TNFRSF10B: variants seen among roughly 807,000 people sequenced by gnomAD.
The protein encoded by TNFRSF10B is tumor necrosis factor receptor superfamily member 10B.
A neutral mutation model predicts 41.4 loss-of-function variants in TNFRSF10B; 35 were observed. The observed-to-expected ratio is 0.85, with a 90% CI of 0.65 to 1.12. The LOEUF (loss-of-function observed/expected upper bound fraction) is 1.12, where lower values mean the gene tolerates loss of function less well. TNFRSF10B is among the 50% of genes most tolerant of loss of function. The pLI is 0.00. For missense variants in TNFRSF10B, 584 were observed against 552.7 expected, an observed-to-expected ratio of 1.06 and a Z score of -0.57; for synonymous variants, 230 against 215.5, an observed-to-expected ratio of 1.07 and a Z score of -0.59.
At position 23,047,148 on chromosome 8, in the gene TNFRSF10B, G is replaced by A. The variant is rs116740358; in HGVS notation, c.145-3905C>T. On this transcript the variant is annotated intron_variant, in intron 1 of 8. Coordinates refer to ENST00000276431, the MANE Select transcript of TNFRSF10B (RefSeq NM_003842.5). ...AGAAGTTTCTGCGGAACCTGAGGTC[G>A]GGAGTTCAAGACCAGCCTGATCAAC... Among the ~76,000 whole-genome samples, 1,063 of 151,972 alleles carry A rather than the reference G, an allele frequency of 7.0e-3. 15 individuals are homozygous for A. The highest frequency in any genetic ancestry group is 0.024 in the African/African-American group (980 of 41,438).
intron 1 of TNFRSF10B, among the ~76,000 whole-genome samples, chr8:23,064,415 G>A (rs547857773): frequency 5.9e-5 from 9 of 152,220 alleles, no homozygotes; most frequent in East Asian, 1.9e-4. Context: ...AGGCTGTGCC[G>A]TCCGTGGGCC....
chr8:23,030,381 C>T (rs1462055774), intron 3 of TNFRSF10B, among the ~76,000 whole-genome samples: 1 of 152,160 alleles, frequency 6.6e-6, no homozygotes, highest in Admixed American at 6.5e-5. Context: ...GGCACAATCT[C>T]GGCTCCCTGC....
Position 23,029,667 on chromosome 8 carries a change from T to C in TNFRSF10B, c.419A>G (p.Glu140Gly). The change falls in exon 4 of 9, where the codon GAA becomes GGA. Residue 140 changes from glutamate to glycine, a missense_variant. Coordinates refer to ENST00000276431, the MANE Select transcript of TNFRSF10B (RefSeq NM_003842.5). ...TTTRNTVCQC[E>G]EGTFREEDSP... ...ATCTTCTTCCCGGAAGGTGCCTTCT[T>C]CGCACTGACACACTGTGTTTCTGGT... 1 of 1,613,942 alleles carries C rather than the reference T, an allele frequency of 6.2e-7. No individual in the cohort carries two copies. Among genetic ancestry groups the C allele is most frequent in the Non-Finnish European group, 8.5e-7 (1 of 1,179,970 alleles).
chr8:23,064,079 CTTCCT>C (rs1408532100), intron 1 of TNFRSF10B, among the ~76,000 whole-genome samples: 1 of 152,266 alleles, frequency 6.6e-6, no homozygotes, highest in African/African-American at 2.4e-5. Flanking sequence ...TGGCACGGCC[CTTCCT>C]TTCCTTAGCA....
intron 6 of TNFRSF10B, 184 bp from the exon 7 acceptor site, chr8:23,027,472 C>T: frequency 1.2e-6 from 1 of 822,948 alleles, no homozygotes; most frequent in Middle Eastern, 3.5e-4. Context: ...GTGCTGTGCT[C>T]AGGCAGACAC....
At chr8:23,064,070 G>A (rs1812912665) in intron 1 of TNFRSF10B, among the ~76,000 whole-genome samples, 1 of 152,236 alleles carries the variant, frequency 6.6e-6, no homozygotes, top group African/African-American at 2.4e-5. Context: ...TCGGGAACAT[G>A]GCACGGCCCT....
At chr8:23,048,099 G>A (rs77268519) in intron 1 of TNFRSF10B, among the ~76,000 whole-genome samples, 2 of 152,138 alleles carry the variant, frequency 1.3e-5, no homozygotes, top group East Asian at 3.8e-4. Flanking sequence ...AAATAAGTGA[G>A]GCACAAAAAG....
At position 23,063,513 on chromosome 8, in the gene TNFRSF10B, TTTC is replaced by T. The variant is rs146042503; in HGVS notation, c.144+5235_144+5237del. On this transcript the variant is annotated intron_variant, in intron 1 of 8. Transcript: ENST00000276431. ...TAAAGCCATTTATGCCCATTTACTCTTTCTTATTTGGTAATGACCTCACCCAAG... is the reference window on the plus strand; with the variant it reads ...TAAAGCCATTTATGCCCATTTACTCTTTATTTGGTAATGACCTCACCCAAG... 9.7e-3 allele frequency among the ~76,000 whole-genome samples: 1,476 copies of T among 152,278 alleles called. 27 individuals carry two copies. The highest frequency in any genetic ancestry group is 0.034 in the African/African-American group (1,394 of 41,522).
In TNFRSF10B at chr8:23,022,374, T is replaced by TA. The variant is rs1462652292; in HGVS notation, c.*296dup. Reference sequence around the variant, plus strand: ...AATAAATAAAGCATTTACATTAGGATAAAAAAGTGCTGTGAAAACAATGAC... The same window carrying TA: ...AATAAATAAAGCATTTACATTAGGATAAAAAAAGTGCTGTGAAAACAATGAC... On this transcript the variant is annotated 3_prime_UTR_variant, in exon 9 of 9. Coordinates refer to ENST00000276431, the MANE Select transcript of TNFRSF10B (RefSeq NM_003842.5). The TA allele has an allele frequency of 1.9e-6, 1 of 534,928 alleles. No individual in the cohort carries two copies. The highest frequency in any genetic ancestry group is 3.6e-6 in the Non-Finnish European group (1 of 280,246). 33.1% of individuals were successfully genotyped at this position (534,928 alleles called of 1,614,324 possible). A position where few individuals can be genotyped will look rare whatever the true frequency, so the allele number is the denominator to read the frequency against.
In TNFRSF10B at chr8:23,040,318, T is replaced by TATATATACAAAATATATATTTATTAA. The variant is rs1563313982; in HGVS notation, c.250+2794_250+2819dup. 3.4e-5 allele frequency among the ~76,000 whole-genome samples: 2 copies of TATATATACAAAATATATATTTATTAA among 58,828 alleles called. 1 individual carries two copies. The highest frequency in any genetic ancestry group is 1.3e-3 in the East Asian group (2 of 1,550). The allele number at this position is 58,828 out of a possible 152,430, so 38.6% of individuals were successfully genotyped here. ...ATATATATAATATATATTTAATAAA[T>TATATATACAAAATATATATTTATTAA]ATATATACAAAATATATATTTATTA... is the stretch of plus-strand genomic sequence containing the variant. On this transcript the variant is annotated intron_variant, in intron 2 of 8. Transcript: ENST00000276431.
At chr8:23,068,694 C>A in intron 1 of TNFRSF10B, 57 bp downstream of exon 1, 2 of 1,541,088 alleles carry the variant, frequency 1.3e-6, no homozygotes, top group Non-Finnish European at 1.7e-6. Context: ...TCTCTCCCTG[C>A]CCTCTCCAGG....
intron 2 of TNFRSF10B, among the ~76,000 whole-genome samples, chr8:23,039,107 G>A (rs1812100426): frequency 6.6e-6 from 1 of 151,784 alleles, no homozygotes; most frequent in South Asian, 2.1e-4. Context: ...TTCTCATAAG[G>A]AGTGCGCAAC....
intron 2 of TNFRSF10B, 123 bp downstream of exon 2, chr8:23,043,015 G>A (rs1585217068): frequency 2.4e-6 from 2 of 849,078 alleles, no homozygotes; most frequent in East Asian, 5.4e-5. Flanking sequence ...ACAGAGCCTT[G>A]AACTGGAGGC....
At chr8:23,036,531 C>T (rs1812034619) in intron 2 of TNFRSF10B, among the ~76,000 whole-genome samples, 1 of 152,150 alleles carries the variant, frequency 6.6e-6, no homozygotes, top group African/African-American at 2.4e-5. Flanking sequence ...CTGGGACGTC[C>T]CTGAAGGACA....
At chr8:23,044,057 A>G (rs1263343834) in intron 1 of TNFRSF10B, among the ~76,000 whole-genome samples, 1 of 152,262 alleles carries the variant, frequency 6.6e-6, no homozygotes, top group Non-Finnish European at 1.5e-5. Context: ...AAAGGTATAA[A>G]GACCATTTAA....
At chr8:23,066,358 C>T (rs1812978540) in intron 1 of TNFRSF10B, among the ~76,000 whole-genome samples, 1 of 151,890 alleles carries the variant, frequency 6.6e-6, no homozygotes, top group Admixed American at 6.6e-5. Flanking sequence ...TTCTAAAGTT[C>T]AAAAAATATA....
At chr8:23,028,299 G>A (rs1811771998) in intron 5 of TNFRSF10B, 32 bp downstream of exon 5, 20 of 1,612,920 alleles carry the variant, frequency 1.2e-5, no homozygotes, top group Non-Finnish European at 1.7e-5. Flanking sequence ...GGCAGAGAGT[G>A]CCCTGTGCCC....
chr8:23,049,472 A>T (rs1812458783), intron 1 of TNFRSF10B, among the ~76,000 whole-genome samples: 1 of 152,208 alleles, frequency 6.6e-6, no homozygotes, highest in Non-Finnish European at 1.5e-5. Flanking sequence ...GAGACAAGAT[A>T]AGGGTAATCA....
intron 1 of TNFRSF10B, among the ~76,000 whole-genome samples, chr8:23,054,599 T>C (rs549222349): frequency 1.5e-4 from 23 of 152,334 alleles, no homozygotes; most frequent in Admixed American, 1.2e-3. Context: ...GAATCAAACT[T>C]GACTTAGGAA....
Sources: allele counts gnomAD v4.1 joint callset (sites outside exome capture counted in the v4.1 genomes callset), GRCh38; gene constraint gnomAD v4.1.1; transcripts MANE v1.5; gene names NCBI Gene and HGNC (gene_info 2026-07-23, HGNC 2026-07-21).